TRDN: variants seen among roughly 807,000 people sequenced by gnomAD.
TRDN encodes triadin, also known as triadin in skeletal muscle.
TRDN carries 161 observed loss-of-function variants against 149.7 expected under a neutral mutation model. That is an observed-to-expected ratio of 1.08 (90% CI 0.95 to 1.23). TRDN has a LOEUF of 1.23. Ranked by LOEUF, TRDN falls within the 50% of genes most tolerant of loss-of-function variation. TRDN has a pLI of 0.00. For missense variants in TRDN, 896 were observed against 823.5 expected, an observed-to-expected ratio of 1.09 and a Z score of -1.08; for synonymous variants, 294 against 250.5, an observed-to-expected ratio of 1.17 and a Z score of -1.64.
At position 123,388,518 on chromosome 6, in the gene TRDN, A is replaced by T. The variant is rs1174439570; in HGVS notation, c.1135+4T>A. 2 of 1,586,580 alleles carry T rather than the reference A, an allele frequency of 1.3e-6. No individual in the cohort carries two copies. On this transcript the variant is annotated splice_donor_region_variant and intron_variant, in intron 14 of 40. Transcript: ENST00000334268. ...GGCTCAGTGGGATTTTGCATAAAACATACCTTCCTTCTTTTCATCCTTCTT... is the reference window on the plus strand; with the variant it reads ...GGCTCAGTGGGATTTTGCATAAAACTTACCTTCCTTCTTTTCATCCTTCTT...
Position 123,224,136 on chromosome 6 carries a change from A to G in TRDN, c.1976-5T>C. 6.2e-7 allele frequency: 1 copy of G among 1,610,288 alleles called. No homozygotes were observed. The highest frequency in any genetic ancestry group is 8.5e-7 in the Non-Finnish European group (1 of 1,177,672). ...CTGGTACATCTTCAACATCTTCTAG[A>G]GTACAGAAAAAAGGCACATAGAATC... On this transcript the variant is annotated splice_polypyrimidine_tract_variant and splice_region_variant and intron_variant, in intron 38 of 40. Coordinates refer to ENST00000334268, the MANE Select transcript of TRDN (RefSeq NM_006073.4).
rs140923401 is a variant in TRDN at position 123,299,369 on chromosome 6, G to C, written c.1510+17088C>G. Among the ~76,000 whole-genome samples, 13 of 152,098 alleles carry C rather than the reference G, an allele frequency of 8.5e-5. No individual in the cohort carries two copies. In the East Asian group the frequency reaches 2.3e-3, roughly 27 times the overall value. The stretch of plus-strand genomic sequence containing the variant: ...ATTATTTGTCTCAGGTTTGCTATTT[G>C]TCACATCCATATCAGCACCTGGGCT... On this transcript the variant is annotated intron_variant, in intron 24 of 40. Coordinates refer to ENST00000334268, the MANE Select transcript of TRDN (RefSeq NM_006073.4).
intron 4 of TRDN, among the ~76,000 whole-genome samples, chr6:123,531,438 T>C (rs1218161679): frequency 1.3e-5 from 2 of 152,106 alleles, no homozygotes. Context: ...ATTTGCATTT[T>C]TGTAGTTTTT....
chr6:123,525,380 A>G (rs1400578088), intron 5 of TRDN, among the ~76,000 whole-genome samples: 2 of 152,150 alleles, frequency 1.3e-5, no homozygotes, highest in Non-Finnish European at 2.9e-5. Context: ...GTCATAAAAA[A>G]GAATGGAATT....
At chr6:123,334,293 G>A (rs570788835) in intron 22 of TRDN, among the ~76,000 whole-genome samples, 4 of 152,132 alleles carry the variant, frequency 2.6e-5, no homozygotes, top group African/African-American at 4.8e-5. Context: ...ATACACAGAC[G>A]TGGGGGGCAA....
chr6:123,269,838 T>A lies in TRDN; in HGVS notation c.1738+11A>T. ...CGATATTTCTCAGGTGTTATTCTAT[T>A]CATCTCTTACTTGTTGGTTTGGGCT... On this transcript the variant is annotated intron_variant, in intron 31 of 40. Transcript: ENST00000334268. 4 of 1,610,312 alleles carry A rather than the reference T, an allele frequency of 2.5e-6. No individual in the cohort carries two copies. The East Asian group carries it at 9.0e-5, about 36-fold the overall frequency.
At chr6:123,571,610 G>T (rs1782582847) in intron 1 of TRDN, among the ~76,000 whole-genome samples, 1 of 151,856 alleles carries the variant, frequency 6.6e-6, no homozygotes, top group South Asian at 2.1e-4. Context: ...GAGTCCACAT[G>T]TTCATGAGAG....
At chr6:123,236,692 A>G (rs1775800277) in intron 38 of TRDN, among the ~76,000 whole-genome samples, 1 of 152,214 alleles carries the variant, frequency 6.6e-6, no homozygotes, top group African/African-American at 2.4e-5. Flanking sequence ...TTGGTTAAAA[A>G]GTCTACTTAT....
At chr6:123,632,316 TTTTC>T (rs1191037827) in intron 1 of TRDN, among the ~76,000 whole-genome samples, 7 of 152,032 alleles carry the variant, frequency 4.6e-5, no homozygotes, top group African/African-American at 7.2e-5. Context: ...TTGCTTTCTC[TTTTC>T]TTTCTTTCTA....
chr6:123,337,752 T>C, intron 21 of TRDN, 83 bp from the exon 22 acceptor site: 3 of 765,068 alleles, frequency 3.9e-6, no homozygotes, highest in Non-Finnish European at 6.1e-6. Context: ...TTTTGTATAC[T>C]GAGGCTTAAG....
intron 12 of TRDN, among the ~76,000 whole-genome samples, chr6:123,395,387 G>T (rs574641949): frequency 6.6e-6 from 1 of 152,006 alleles, no homozygotes; most frequent in Non-Finnish European, 1.5e-5. Context: ...CTCCCTCAGC[G>T]GTCAGGTTCA....
At chr6:123,278,923 C>A in intron 25 of TRDN, 133 bp downstream of exon 25, 1 of 745,876 alleles carries the variant, frequency 1.3e-6, no homozygotes, top group Non-Finnish European at 2.0e-6. Context: ...ATTGTCTACA[C>A]AAAACAAGCC....
intron 33 of TRDN, among the ~76,000 whole-genome samples, chr6:123,261,357 ACT>A (rs1322141249): frequency 6.6e-6 from 1 of 151,890 alleles, no homozygotes; most frequent in African/African-American, 2.4e-5. Context: ...ATAAAAACAA[ACT>A]CAGTTCATAT....
intron 24 of TRDN, among the ~76,000 whole-genome samples, chr6:123,282,770 T>C (rs1467690884): frequency 1.3e-5 from 2 of 151,882 alleles, no homozygotes; most frequent in Admixed American, 1.3e-4. Context: ...TCAACAGAGA[T>C]TTATTATATT....
At chr6:123,582,235 T>C (rs1783156816) in intron 1 of TRDN, among the ~76,000 whole-genome samples, 2 of 152,160 alleles carry the variant, frequency 1.3e-5, no homozygotes, top group Admixed American at 6.5e-5. Flanking sequence ...GATTTTCTGA[T>C]TGACGGCTGG....
intron 12 of TRDN, among the ~76,000 whole-genome samples, chr6:123,393,930 C>T (rs577187187): frequency 6.6e-6 from 1 of 152,172 alleles, no homozygotes; most frequent in South Asian, 2.1e-4. Flanking sequence ...GTTAACTGGC[C>T]ATGGAATATC....
intron 9 of TRDN, among the ~76,000 whole-genome samples, chr6:123,491,121 G>A (rs1303743611): frequency 2.0e-5 from 3 of 150,280 alleles, no homozygotes; most frequent in Non-Finnish European, 4.4e-5. Flanking sequence ...AAAAAATAAA[G>A]AAGGAACGAA....
In TRDN at chr6:123,225,229, A is replaced by G. The variant is rs547466141; in HGVS notation, c.1976-1098T>C. Reference sequence around the variant, plus strand: ...CTAGTGATTATCAAAAAGTCAAATGAGATGTGCTGGTGAGGATTTAAGAGA... The same window carrying G: ...CTAGTGATTATCAAAAAGTCAAATGGGATGTGCTGGTGAGGATTTAAGAGA... On this transcript the variant is annotated intron_variant, in intron 38 of 40. Transcript: ENST00000334268. 5.9e-5 allele frequency among the ~76,000 whole-genome samples: 9 copies of G among 151,836 alleles called. No individual in the cohort carries two copies. In the South Asian group the frequency reaches 1.9e-3, roughly 31 times the overall value.
chr6:123,543,385 G>C (rs1169946604), intron 4 of TRDN, among the ~76,000 whole-genome samples: 3 of 151,940 alleles, frequency 2.0e-5, no homozygotes, highest in African/African-American at 7.3e-5. Flanking sequence ...ACTTGAAAAA[G>C]ATTAATTGAA....
Sources: allele counts gnomAD v4.1 joint callset (sites outside exome capture counted in the v4.1 genomes callset), GRCh38; gene constraint gnomAD v4.1.1; transcripts MANE v1.5; gene names NCBI Gene and HGNC (gene_info 2026-07-23, HGNC 2026-07-21).